Variants in REXO4 observed in about 807,000 individuals in gnomAD.
REXO4 encodes the protein REX4 homolog, 3'-5' exonuclease.
In REXO4, 29 loss-of-function variants were observed where a neutral mutation model predicts 39.9. That is an observed-to-expected ratio of 0.73 (90% confidence interval 0.54 to 0.99). REXO4 has a LOEUF of 0.99. Ranked by LOEUF, REXO4 falls within the 50% of genes least tolerant of loss-of-function variation. The probability of loss-of-function intolerance (pLI) is 0.00; values close to 1 mark genes in which losing one functional copy is unlikely to be tolerated. For missense variants in REXO4, 524 were observed against 546.5 expected, an observed-to-expected ratio of 0.96 and a Z score of 0.41; for synonymous variants, 184 against 206.2, an observed-to-expected ratio of 0.89 and a Z score of 0.92.
chr9:133,414,611 C>CCTT lies in REXO4; in HGVS notation c.572+51_572+53dup, dbSNP rs1159970748. 5 of 1,511,166 alleles carry CCTT rather than the reference C, an allele frequency of 3.3e-6. 1 individual carries two copies. Among genetic ancestry groups the CCTT allele is most frequent in the Non-Finnish European group, 1.8e-6 (2 of 1,086,576 alleles). 93.6% of individuals were successfully genotyped at this position (1,511,166 alleles called of 1,614,324 possible). ...CCACCAGCCTCCATAAGGAGACAGG[C>CCTT]CTTGGTGAAGTCGCTGTGCCTCGGT... On this transcript the variant is annotated intron_variant, in intron 2 of 7. Transcript: ENST00000371942.
intron 4 of REXO4, among the ~76,000 whole-genome samples, chr9:133,411,701 CG>C (rs1839219021): frequency 6.6e-6 from 1 of 151,922 alleles, no homozygotes; most frequent in South Asian, 2.1e-4. Flanking sequence ...CGGAGGCAGG[CG>C]GATCACCTGA....
chr9:133,407,709 A>G, intron 7 of REXO4, 98 bp downstream of exon 7: 1 of 884,652 alleles, frequency 1.1e-6, no homozygotes, highest in South Asian at 1.6e-5. Flanking sequence ...TAGGTGCCCA[A>G]GCCCCACCTC....
Position 133,408,799 on chromosome 9 carries a change from T to C in REXO4, c.1043A>G (p.Gln348Arg), listed in dbSNP as rs1281776993. The C allele has an allele frequency of 6.3e-7, 1 of 1,597,552 alleles. No homozygotes were observed. The highest frequency in any genetic ancestry group is 1.1e-5 in the South Asian group (1 of 90,458). The change falls in exon 6 of 8, where the codon CAG becomes CGG. Residue 348 changes from glutamine (Q) to arginine (R), a missense_variant. Gln to Arg is a conservative substitution (Grantham distance 43). Transcript: ENST00000371942. ...DHPKKKIRDT[Q>R]KYKPFKSQVK... The stretch of plus-strand genomic sequence containing the variant: ...TTGACTCTTGAAAGGTTTATATTTC[T>C]GTGTGTCCCGAATCTTCTTTTTTGG...
At chr9:133,415,431 T>G (rs1554781372) in intron 1 of REXO4, among the ~76,000 whole-genome samples, 1 of 151,850 alleles carries the variant, frequency 6.6e-6, no homozygotes, top group African/African-American at 2.4e-5. Flanking sequence ...TTTTACAAGA[T>G]TCCCTGGTTT....
rs28735241 is a variant in REXO4 at position 133,417,136 on chromosome 9, C to A, written c.225+484G>T. Among the ~76,000 whole-genome samples the A allele has an allele frequency of 2.9e-4, 44 of 152,316 alleles. No homozygotes were observed. In the East Asian group the frequency reaches 7.3e-3, roughly 25 times the overall value. On this transcript the variant is annotated intron_variant, in intron 1 of 7. Coordinates refer to ENST00000371942, the MANE Select transcript of REXO4 (RefSeq NM_020385.4). The stretch of plus-strand genomic sequence containing the variant: ...AGCGATTCTTCTGCCTCAGGCTCCC[C>A]GAGTAGCTGCGACTACCGGCGCGCG...
intron 1 of REXO4, among the ~76,000 whole-genome samples, chr9:133,417,021 T>A (rs777889602): frequency 6.6e-6 from 1 of 152,200 alleles, no homozygotes; most frequent in Non-Finnish European, 1.5e-5. Flanking sequence ...CTTTCGTTGT[T>A]GTTGTTTGAG....
chr9:133,415,033 A>C, intron 1 of REXO4, 22 bp from the exon 2 acceptor site: 1 of 1,559,042 alleles, frequency 6.4e-7, no homozygotes, highest in Non-Finnish European at 8.6e-7. Flanking sequence ...AATAAAATAC[A>C]TGCTGCATTT....
intron 1 of REXO4, chr9:133,415,640 T>C (rs1187231278): frequency 3.3e-5 from 5 of 152,460 alleles, no homozygotes; most frequent in African/African-American, 4.8e-5. Context: ...CACAGTGCGA[T>C]GATGAGGCGG....
chr9:133,409,594 C>T (rs587666663), intron 5 of REXO4, among the ~76,000 whole-genome samples: 2 of 152,260 alleles, frequency 1.3e-5, no homozygotes, highest in South Asian at 4.1e-4. Flanking sequence ...TAGGATCTCA[C>T]TCTGTCACCT....
Position 133,406,596 on chromosome 9 carries a change from C to G in REXO4, c.*357G>C. ...GAGAGGAAGGTGCTGAGCACCTCAC[C>G]CCAGGGTGTCACCGAAGATGGGCAG... On this transcript the variant is annotated 3_prime_UTR_variant, in exon 8 of 8. Transcript: ENST00000371942. The G allele has an allele frequency of 3.4e-6, 1 of 297,938 alleles. No homozygotes were observed. Among genetic ancestry groups the G allele is most frequent in the South Asian group, 4.0e-5 (1 of 25,088 alleles). The allele number at this position is 297,938 out of a possible 1,614,324, so 18.5% of individuals were successfully genotyped here.
Position 133,408,783 on chromosome 9 carries a change from G to T in REXO4, c.1059C>A (p.Phe353Leu). Residue 353 changes from phenylalanine to leucine, a missense_variant, in exon 6 of 8, where the codon TTC becomes TTA. By Grantham distance (22) the Phe-to-Leu change is conservative. Transcript: ENST00000371942. Reference protein sequence around the residue: ...KIRDTQKYKPFKSQVKSGRPS... With the variant: ...KIRDTQKYKPLKSQVKSGRPS... ...TTCTAAGTACCTTTACTTGACTCTTGAAAGGTTTATATTTCTGTGTGTCCC... is the reference window on the plus strand; with the variant it reads ...TTCTAAGTACCTTTACTTGACTCTTTAAAGGTTTATATTTCTGTGTGTCCC... 1 of 1,597,546 alleles carries T rather than the reference G, an allele frequency of 6.3e-7. No homozygotes were observed. Among genetic ancestry groups the T allele is most frequent in the Non-Finnish European group, 8.6e-7 (1 of 1,166,288 alleles).
chr9:133,407,157 G>A (rs1838928277), intron 7 of REXO4, 85 bp from the exon 8 acceptor site: 2 of 1,587,122 alleles, frequency 1.3e-6, no homozygotes, highest in Non-Finnish European at 1.7e-6. Context: ...CCTCCCACTA[G>A]CCACTCTGCT....
chr9:133,417,813 C>A lies in REXO4; in HGVS notation c.32G>T (p.Arg11Leu). 6.2e-7 allele frequency: 1 copy of A among 1,604,954 alleles called. No individual in the cohort carries two copies. Among genetic ancestry groups the A allele is most frequent in the South Asian group, 1.1e-5 (1 of 91,062 alleles). The change falls in exon 1 of 8, where the codon CGC becomes CTC. Residue 11 changes from arginine (R) to leucine (L), a missense_variant. Coordinates refer to ENST00000371942, the MANE Select transcript of REXO4 (RefSeq NM_020385.4). MGKAKVPASK[R>L]APSSPVAKPG... ...CTTAGCCACGGGGCTGCTCGGGGCG[C>A]GCTTGGAGGCGGGGACCTTCGCCTT...
At chr9:133,411,173 A>G (rs1319104510) in intron 4 of REXO4, 100 bp from the exon 5 acceptor site, 1 of 962,590 alleles carries the variant, frequency 1.0e-6, no homozygotes, top group Non-Finnish European at 1.7e-6. Context: ...GACCTAAGAC[A>G]AATGGTCAGG....
chr9:133,412,466 C>G lies in REXO4; in HGVS notation c.743G>C (p.Cys248Ser), dbSNP rs1554780361. The G allele has an allele frequency of 6.2e-7, 1 of 1,614,148 alleles. No homozygotes were observed. The highest frequency in any genetic ancestry group is 1.7e-5 in the Admixed American group (1 of 60,034). ...CTTAGGGCCCACGCCCACCATCTCACAGTCCAAGGCTAAGGCTCTTGTCAG... is the reference window on the plus strand; with the variant it reads ...CTTAGGGCCCACGCCCACCATCTCAGAGTCCAAGGCTAAGGCTCTTGTCAG... ...GGLTRALALD[C>S]EMVGVGPKGE... The change falls in exon 4 of 8, where the codon TGT becomes TCT. Residue 248 changes from cysteine (C) to serine (S), a missense_variant. Coordinates refer to ENST00000371942, the MANE Select transcript of REXO4 (RefSeq NM_020385.4).
chr9:133,408,808 C>T lies in REXO4; in HGVS notation c.1034G>A (p.Arg345Gln), dbSNP rs148276465. 1.3e-5 allele frequency: 20 copies of T among 1,595,906 alleles called. No individual in the cohort carries two copies. Among genetic ancestry groups the T allele is most frequent in the Admixed American group, 6.7e-5 (4 of 59,296 alleles). Residue 345 changes from arginine to glutamine, a missense_variant, in exon 6 of 8, where the codon CGG becomes CAG. Transcript: ENST00000371942. ...GAAAGGTTTATATTTCTGTGTGTCC[C>T]GAATCTTCTTTTTTGGATGATCAAG... The part of the protein sequence containing the change: ...LFLDHPKKKI[R>Q]DTQKYKPFKS...
intron 1 of REXO4, among the ~76,000 whole-genome samples, chr9:133,416,163 G>C (rs1839586137): frequency 6.6e-6 from 1 of 152,180 alleles, no homozygotes; most frequent in Non-Finnish European, 1.5e-5. Context: ...GTAAGGTGAA[G>C]GGGGAGCAGG....
intron 2 of REXO4, chr9:133,414,412 C>T (rs1015836681): frequency 1.9e-5 from 13 of 675,052 alleles, no homozygotes; most frequent in African/African-American, 8.8e-5. Context: ...GGCTTCAGCA[C>T]GCTTTCCTTC....
intron 4 of REXO4, among the ~76,000 whole-genome samples, chr9:133,411,394 C>T (rs962590245): frequency 6.6e-6 from 1 of 152,248 alleles, no homozygotes; most frequent in African/African-American, 2.4e-5. Flanking sequence ...AGCCGCCTGG[C>T]AGCGTGGTTC....
Sources: gnomAD v4.1 joint callset for allele counts (sites outside exome capture counted in the v4.1 genomes callset) on GRCh38, gnomAD v4.1.1 for gene constraint, MANE v1.5 for transcripts, NCBI Gene and HGNC (gene_info 2026-07-23, HGNC 2026-07-21) for gene names.